CACNA1E: variants seen among roughly 807,000 people sequenced by gnomAD.
CACNA1E encodes voltage-dependent R-type calcium channel subunit alpha-1E.
CACNA1E carries 40 observed loss-of-function variants against 259.2 expected under a neutral mutation model. The observed-to-expected ratio is 0.15, with a 90% CI of 0.12 to 0.20. CACNA1E has a LOEUF of 0.20. CACNA1E is among the 10% of genes least tolerant of loss of function. The probability of loss-of-function intolerance (pLI) is 1.00; values close to 1 mark genes in which losing one functional copy is unlikely to be tolerated. For synonymous variants in CACNA1E, 1,104 were observed against 1,138.5 expected (o/e 0.97, Z 0.61); for missense variants, 1,874 against 3,040.1 (o/e 0.62, Z 9.02).
intron 1 of CACNA1E, among the ~76,000 whole-genome samples, chr1:181,384,599 G>A (rs1481038182): frequency 6.6e-6 from 1 of 152,066 alleles, no homozygotes; most frequent in Non-Finnish European, 1.5e-5. Flanking sequence ...TTAAAGTTGC[G>A]ATTTCTGGTT....
At chr1:181,565,779 T>G (rs1362696018) in intron 3 of CACNA1E, among the ~76,000 whole-genome samples, 1 of 152,152 alleles carries the variant, frequency 6.6e-6, no homozygotes, top group African/African-American at 2.4e-5. Context: ...AAGGCCACTT[T>G]TGGGGGTGTG....
intron 3 of CACNA1E, among the ~76,000 whole-genome samples, chr1:181,555,442 T>C (rs1208009538): frequency 1.3e-5 from 2 of 152,210 alleles, no homozygotes; most frequent in African/African-American, 2.4e-5. Context: ...ACCATATACA[T>C]AGAGTTCTGT....
intron 3 of CACNA1E, among the ~76,000 whole-genome samples, chr1:181,561,575 A>G (rs567372272): frequency 1.3e-3 from 195 of 152,300 alleles, no homozygotes; most frequent in African/African-American, 4.4e-3. Flanking sequence ...TGCACTTTGC[A>G]TAATGCTTTT....
At chr1:181,671,859 A>ATT (rs1648835659) in intron 7 of CACNA1E, among the ~76,000 whole-genome samples, 1 of 152,218 alleles carries the variant, frequency 6.6e-6, no homozygotes, top group Non-Finnish European at 1.5e-5. Context: ...CAGAACTACC[A>ATT]TTTGACCCAG....
chr1:181,718,962 C>G (rs965577522), intron 12 of CACNA1E, among the ~76,000 whole-genome samples: 15 of 152,174 alleles, frequency 9.9e-5, no homozygotes, highest in Admixed American at 2.6e-4. Context: ...TTCTGTCAAT[C>G]CCACTACTTT....
At chr1:181,460,710 G>C (rs1379805860) in intron 2 of CACNA1E, among the ~76,000 whole-genome samples, 1 of 152,172 alleles carries the variant, frequency 6.6e-6, no homozygotes, top group South Asian at 2.1e-4. Context: ...TTTACACTTA[G>C]AGTAGTATTT....
At chr1:181,455,306 G>C (rs761618664) in intron 2 of CACNA1E, among the ~76,000 whole-genome samples, 2 of 152,168 alleles carry the variant, frequency 1.3e-5, no homozygotes, top group African/African-American at 2.4e-5. Context: ...TTGAGGAGTG[G>C]AGTGCTCAGG....
intron 6 of CACNA1E, among the ~76,000 whole-genome samples, chr1:181,588,198 G>A (rs531657239): frequency 6.6e-6 from 1 of 152,300 alleles, no homozygotes; most frequent in East Asian, 1.9e-4. Context: ...GGGAACATTT[G>A]GGGACTGAAA....
chr1:181,508,650 A>C (rs996242749), intron 1 of CACNA1E, among the ~76,000 whole-genome samples: 1 of 152,138 alleles, frequency 6.6e-6, no homozygotes, highest in African/African-American at 2.4e-5. Context: ...TCCTCCTGCG[A>C]TCAGTGGGCA....
intron 2 of CACNA1E, among the ~76,000 whole-genome samples, chr1:181,432,319 T>C (rs950306885): frequency 4.6e-5 from 7 of 152,158 alleles, no homozygotes; most frequent in African/African-American, 1.7e-4. Context: ...AAATGATACC[T>C]GTGTTAAGTA....
intron 2 of CACNA1E, among the ~76,000 whole-genome samples, chr1:181,447,456 A>G (rs1660862539): frequency 6.6e-6 from 1 of 152,028 alleles, no homozygotes; most frequent in Non-Finnish European, 1.5e-5. Flanking sequence ...GCTTGAGCCC[A>G]GGAGTTCAAG....
At chr1:181,473,131 C>T (rs981834553) in intron 2 of CACNA1E, among the ~76,000 whole-genome samples, 1 of 152,156 alleles carries the variant, frequency 6.6e-6, no homozygotes, top group East Asian at 1.9e-4. Flanking sequence ...GTATTTGTAT[C>T]GCCGGTGCAG....
chr1:181,376,193 G>A (rs1043204903), intron 1 of CACNA1E, among the ~76,000 whole-genome samples: 3 of 152,232 alleles, frequency 2.0e-5, no homozygotes, highest in Non-Finnish European at 2.9e-5. Flanking sequence ...GGGAACGAGA[G>A]TGGGCATGGG....
chr1:181,495,169 G>T (rs779047109), intron 1 of CACNA1E, among the ~76,000 whole-genome samples: 1 of 152,170 alleles, frequency 6.6e-6, no homozygotes, highest in Non-Finnish European at 1.5e-5. Context: ...CTAGATCTCA[G>T]GAGTTGAAGG....
intron 6 of CACNA1E, among the ~76,000 whole-genome samples, chr1:181,597,395 T>C (rs1471172161): frequency 6.6e-6 from 1 of 152,222 alleles, no homozygotes; most frequent in East Asian, 1.9e-4. Flanking sequence ...TCTATCCATG[T>C]ATATTTTTTG....
intron 1 of CACNA1E, among the ~76,000 whole-genome samples, chr1:181,359,505 T>C (rs926172482): frequency 6.6e-6 from 1 of 152,158 alleles, no homozygotes; most frequent in South Asian, 2.1e-4. Flanking sequence ...GGAGAGGTGA[T>C]GCTGGGGAGG....
chr1:181,350,712 C>T (rs986941614), intron 1 of CACNA1E, among the ~76,000 whole-genome samples: 12 of 152,098 alleles, frequency 7.9e-5, no homozygotes, highest in Non-Finnish European at 1.5e-4. Flanking sequence ...GAGTCGTGGC[C>T]CCATGACTCA....
chr1:181,526,291 G>A (rs1667352025), intron 3 of CACNA1E, among the ~76,000 whole-genome samples: 1 of 151,952 alleles, frequency 6.6e-6, no homozygotes, highest in East Asian at 1.9e-4. Context: ...ATATCATGCT[G>A]CTAATAGTTA....
At chr1:181,631,983 G>C (rs1656789715) in intron 6 of CACNA1E, among the ~76,000 whole-genome samples, 1 of 152,162 alleles carries the variant, frequency 6.6e-6, no homozygotes. Flanking sequence ...TTCAGAATTA[G>C]GGCACGAAGT....
Sources: allele counts gnomAD v4.1 joint callset (sites outside exome capture counted in the v4.1 genomes callset), GRCh38; gene constraint gnomAD v4.1.1; transcripts MANE v1.5; gene names NCBI Gene and HGNC (gene_info 2026-07-23, HGNC 2026-07-21).